The following SCN2A variants were observed in gnomAD, a reference collection of about 807,000 sequenced individuals.
SCN2A encodes sodium voltage-gated channel alpha subunit 2, also known as sodium channel protein type 2 subunit alpha.
SCN2A carries 20 observed loss-of-function variants against 188.7 expected under a neutral mutation model. That is an observed-to-expected ratio of 0.11 (90% CI 0.07 to 0.15). SCN2A has a LOEUF of 0.15. Ranked by LOEUF, SCN2A falls within the 10% of genes least tolerant of loss-of-function variation. The pLI is 1.00. For synonymous variants in SCN2A, 804 were observed against 833.1 expected (o/e 0.97, Z 0.60); for missense variants, 1,278 against 2,445.0 (o/e 0.52, Z 10.07).
At chr2:165,275,389 C>T (rs546976466) in intron 1 of SCN2A, among the ~76,000 whole-genome samples, 1 of 152,198 alleles carries the variant, frequency 6.6e-6, no homozygotes, top group South Asian at 2.1e-4. Flanking sequence ...ATTTTCTTTC[C>T]CTGGAGCAAT....
chr2:165,339,113 A>G (rs1463718775), intron 14 of SCN2A, among the ~76,000 whole-genome samples: 1 of 151,852 alleles, frequency 6.6e-6, no homozygotes, highest in African/African-American at 2.4e-5. Context: ...ACCAGCTAAC[A>G]GGGAGGCTGA....
intron 21 of SCN2A, among the ~76,000 whole-genome samples, chr2:165,373,987 T>G (rs1167725977): frequency 6.6e-6 from 1 of 152,076 alleles, no homozygotes. Flanking sequence ...ATACTTTTTG[T>G]GATATTTGAA....
chr2:165,247,730 C>T (rs1339304034), intron 1 of SCN2A, among the ~76,000 whole-genome samples: 6 of 152,192 alleles, frequency 3.9e-5, no homozygotes, highest in Middle Eastern at 3.4e-3. Context: ...AGTTTTATGG[C>T]GTTAAATGCC....
At chr2:165,290,985 A>G (rs1253025836) in intron 1 of SCN2A, among the ~76,000 whole-genome samples, 2 of 150,550 alleles carry the variant, frequency 1.3e-5, no homozygotes, top group Non-Finnish European at 3.0e-5. Context: ...TAGTAACTCA[A>G]CAACTCTGCT....
At chr2:165,312,172 C>T in intron 8 of SCN2A, 84 bp downstream of exon 8, 1 of 934,774 alleles carries the variant, frequency 1.1e-6, no homozygotes, top group South Asian at 1.3e-5. Flanking sequence ...TCCAGTCCCA[C>T]TCACTCCTCA....
intron 1 of SCN2A, among the ~76,000 whole-genome samples, chr2:165,246,965 C>T (rs1239818444): frequency 6.6e-6 from 1 of 152,142 alleles, no homozygotes; most frequent in Non-Finnish European, 1.5e-5. Flanking sequence ...TTTCCTAAAT[C>T]AGTGAGAAAA....
At chr2:165,291,455 T>TTTCC (rs1559340110) in intron 1 of SCN2A, among the ~76,000 whole-genome samples, 2 of 30,914 alleles carry the variant, frequency 6.5e-5, no homozygotes, top group Non-Finnish European at 1.6e-4. Flanking sequence ...TCTTTCTTTC[T>TTTCC]TTCTTTCTTT....
intron 1 of SCN2A, among the ~76,000 whole-genome samples, chr2:165,259,766 T>G (rs1195407518): frequency 6.6e-6 from 1 of 152,054 alleles, no homozygotes; most frequent in Admixed American, 6.6e-5. Context: ...GGAATCAACT[T>G]CTTCCAAATT....
chr2:165,292,000 A>G (rs1481206428), intron 1 of SCN2A, among the ~76,000 whole-genome samples: 1 of 152,114 alleles, frequency 6.6e-6, no homozygotes. Context: ...TTGGGAGGCT[A>G]GAGCTGCTAC....
chr2:165,324,330 AT>A (rs918100907), intron 12 of SCN2A, among the ~76,000 whole-genome samples: 1 of 151,590 alleles, frequency 6.6e-6, no homozygotes, highest in Admixed American at 6.6e-5. Context: ...TCTTCTTATG[AT>A]TTTTTTTTCA....
chr2:165,375,323 T>C (rs1305356909), intron 22 of SCN2A, among the ~76,000 whole-genome samples: 1 of 151,860 alleles, frequency 6.6e-6, no homozygotes, highest in African/African-American at 2.4e-5. Context: ...AGCCAAAATA[T>C]GGAAACAACC....
intron 1 of SCN2A, chr2:165,267,049 G>T (rs570219846): frequency 6.6e-6 from 1 of 152,022 alleles, no homozygotes; most frequent in Non-Finnish European, 1.5e-5. Flanking sequence ...CGAGTGGAAA[G>T]AATTAATGTT....
Position 165,323,423 on chromosome 2 carries a change from G to A in SCN2A, c.1939G>A (p.Ala647Thr), listed in dbSNP as rs548056312. The change falls in exon 12 of 27, where the codon GCT becomes ACT. Residue 647 changes from alanine to threonine, a missense_variant. Coordinates refer to ENST00000375437, the MANE Select transcript of SCN2A (RefSeq NM_001040142.2). ...ILPMNGKMHS[A>T]VDCNGVVSLV... is the part of the protein sequence containing the mutation. ...GCCCATGAATGGGAAGATGCATAGC[G>A]CTGTGGACTGCAATGGTGTGGTCTC... 46 of 1,614,046 alleles carry A rather than the reference G, an allele frequency of 2.8e-5. 2 individuals are homozygous for A. Among genetic ancestry groups the A allele is most frequent in the South Asian group, 2.5e-4 (23 of 91,068 alleles).
intron 13 of SCN2A, among the ~76,000 whole-genome samples, chr2:165,329,942 T>C (rs367592509): frequency 3.9e-5 from 6 of 152,248 alleles, no homozygotes; most frequent in African/African-American, 1.4e-4. Flanking sequence ...AAGAGACAAT[T>C]GACAAATCTA....
chr2:165,265,900 C>T (rs1694841649), intron 1 of SCN2A, among the ~76,000 whole-genome samples: 1 of 151,298 alleles, frequency 6.6e-6, no homozygotes, highest in African/African-American at 2.4e-5. Flanking sequence ...TAGCTCATTG[C>T]AGTCTTGAAA....
intron 3 of SCN2A, among the ~76,000 whole-genome samples, chr2:165,300,762 C>T (rs765153293): frequency 6.6e-6 from 1 of 152,132 alleles, no homozygotes; most frequent in African/African-American, 2.4e-5. Context: ...AGGCGAGGTG[C>T]AGTGGGTCAT....
chr2:165,384,278 T>C (rs539882398), intron 25 of SCN2A, among the ~76,000 whole-genome samples: 1 of 152,268 alleles, frequency 6.6e-6, no homozygotes, highest in South Asian at 2.1e-4. Flanking sequence ...ATGAGAAGTT[T>C]GGAATTATCT....
At chr2:165,334,513 T>C (rs1698878337) in intron 14 of SCN2A, among the ~76,000 whole-genome samples, 1 of 151,844 alleles carries the variant, frequency 6.6e-6, no homozygotes, top group African/African-American at 2.4e-5. Flanking sequence ...ATCATATTAA[T>C]TTTAAAAAAC....
intron 1 of SCN2A, among the ~76,000 whole-genome samples, chr2:165,290,103 A>G (rs919238364): frequency 1.3e-5 from 2 of 152,104 alleles, no homozygotes; most frequent in African/African-American, 4.8e-5. Flanking sequence ...AGTTGACAGT[A>G]TTTGTACATA....
Sources: gnomAD v4.1 joint callset for allele counts (sites outside exome capture counted in the v4.1 genomes callset) on GRCh38, gnomAD v4.1.1 for gene constraint, MANE v1.5 for transcripts, NCBI Gene and HGNC (gene_info 2026-07-23, HGNC 2026-07-21) for gene names.